The following DLG1 variants were observed in gnomAD, a reference collection of about 807,000 sequenced individuals.
DLG1 encodes the protein discs large MAGUK scaffold protein 1.
Under a neutral mutation model 123.4 loss-of-function variants are expected in DLG1, and 42 were observed. That is an observed-to-expected ratio of 0.34 (90% CI 0.27 to 0.44). DLG1 has a LOEUF of 0.44. Ranked by LOEUF, DLG1 falls within the 20% of genes least tolerant of loss-of-function variation. DLG1 has a pLI of 1.00. For missense variants in DLG1, 942 were observed against 1,082.6 expected, an observed-to-expected ratio of 0.87 and a Z score of 1.82; for synonymous variants, 317 against 356.2, an observed-to-expected ratio of 0.89 and a Z score of 1.24.
At chr3:197,160,535 A>G (rs1296547564) in intron 5 of DLG1, among the ~76,000 whole-genome samples, 1 of 151,938 alleles carries the variant, frequency 6.6e-6, no homozygotes, top group Non-Finnish European at 1.5e-5. Flanking sequence ...TCATCTATTC[A>G]TTGTTGGTTT....
At chr3:197,237,445 C>T (rs1037488148) in intron 4 of DLG1, among the ~76,000 whole-genome samples, 4 of 152,180 alleles carry the variant, frequency 2.6e-5, no homozygotes, top group African/African-American at 9.7e-5. Flanking sequence ...GCCACAGGAA[C>T]AGAAAGGGGC....
At chr3:197,130,713 T>C in intron 10 of DLG1, 42 bp from the exon 11 acceptor site, 1 of 1,452,710 alleles carries the variant, frequency 6.9e-7, no homozygotes, top group Non-Finnish European at 9.2e-7. Context: ...TATTCACTTG[T>C]TCTCTGAGTT....
intron 10 of DLG1, among the ~76,000 whole-genome samples, chr3:197,131,480 C>T (rs1281788563): frequency 6.6e-6 from 1 of 151,334 alleles, no homozygotes; most frequent in Non-Finnish European, 1.5e-5. Context: ...GTGATGTATC[C>T]TGCAACCAAT....
In DLG1 at chr3:197,049,789, C is replaced by T. The variant is rs917006301; in HGVS notation, c.2575+1788G>A. Among the ~76,000 whole-genome samples the T allele has an allele frequency of 1.4e-4, 22 of 152,030 alleles. 1 individual carries two copies. Among genetic ancestry groups the T allele is most frequent in the Admixed American group, 1.4e-3 (22 of 15,262 alleles). On this transcript the variant is annotated intron_variant, in intron 24 of 24. Transcript: ENST00000667157. ...AATGAATAAAGAGAATATTGTAGGCCAGGTGCAGTGCACCTATAATCCAAG... is the reference window on the plus strand; with the variant it reads ...AATGAATAAAGAGAATATTGTAGGCTAGGTGCAGTGCACCTATAATCCAAG...
rs1421992214 is a variant in DLG1, at chr3:197,230,959, T to TA, written c.319-36371_319-36370insT. ...TTACATATAGTATGTTATTTAATCA[T>TA]CTTAATGCTAAGTAAGTTATAGCAT... On this transcript the variant is annotated intron_variant, in intron 4 of 24. Coordinates refer to ENST00000667157, the MANE Select transcript of DLG1 (RefSeq NM_001366207.1). Among the ~76,000 whole-genome samples, 1,234 of 152,326 alleles carry TA rather than the reference T, an allele frequency of 8.1e-3. 12 individuals carry two copies. Among genetic ancestry groups the TA allele is most frequent in the African/African-American group, 0.027 (1,126 of 41,572 alleles).
Position 197,059,962 on chromosome 3 carries a change from T to A in DLG1, c.2410A>T (p.Ile804Leu). The change falls in exon 23 of 25, where the codon ATA becomes TTA. Residue 804 changes from isoleucine to leucine, a missense_variant. Transcript: ENST00000667157. ...HCILDVSGNA[I>L]KRLQIAQLYP... ...AGCTGTGCAATCTGTAATCTCTTTA[T>A]GGCATTTCCAGACACATCAAGGATA... The A allele has an allele frequency of 6.2e-7, 1 of 1,613,846 alleles. No individual in the cohort carries two copies. Among genetic ancestry groups the A allele is most frequent in the Non-Finnish European group, 8.5e-7 (1 of 1,179,900 alleles).
At chr3:197,164,475 T>C (rs968787459) in intron 5 of DLG1, among the ~76,000 whole-genome samples, 2 of 152,148 alleles carry the variant, frequency 1.3e-5, no homozygotes, top group Non-Finnish European at 2.9e-5. Context: ...TTTAAAAGCC[T>C]ATGTTTTAAG....
At chr3:197,108,618 C>T (rs185967972) in intron 13 of DLG1, among the ~76,000 whole-genome samples, 90 of 152,140 alleles carry the variant, frequency 5.9e-4, no homozygotes, top group African/African-American at 1.8e-3. Flanking sequence ...AAATGTCTTT[C>T]GCCTTTAGTA....
intron 4 of DLG1, among the ~76,000 whole-genome samples, chr3:197,252,965 G>C (rs112940712): frequency 1.1e-4 from 16 of 152,168 alleles, no homozygotes; most frequent in African/African-American, 3.9e-4. Flanking sequence ...ACCCAAAATG[G>C]ATTATGAACT....
chr3:197,098,754 A>G (rs1431018193), intron 14 of DLG1, among the ~76,000 whole-genome samples: 1 of 151,086 alleles, frequency 6.6e-6, no homozygotes, highest in Non-Finnish European at 1.5e-5. Flanking sequence ...CTGGTCTTGA[A>G]CTCCTGCTTT....
intron 5 of DLG1, among the ~76,000 whole-genome samples, chr3:197,173,253 AATG>A (rs1473250184): frequency 6.6e-6 from 1 of 152,176 alleles, no homozygotes; most frequent in East Asian, 1.9e-4. Context: ...TTGAAATGAA[AATG>A]ATGGTGGTGG....
intron 5 of DLG1, among the ~76,000 whole-genome samples, chr3:197,165,188 G>A (rs920347282): frequency 2.0e-5 from 3 of 152,090 alleles, no homozygotes; most frequent in Admixed American, 6.5e-5. Flanking sequence ...ACACAGTGGC[G>A]TTATTAATAT....
chr3:197,093,636 T>C (rs190942323), intron 14 of DLG1, among the ~76,000 whole-genome samples: 27 of 152,224 alleles, frequency 1.8e-4, no homozygotes, highest in Non-Finnish European at 2.8e-4. Context: ...GTATGACTCT[T>C]ATGTACTGCA....
At chr3:197,066,833 C>A in intron 19 of DLG1, 79 bp from the exon 20 acceptor site, 1 of 943,878 alleles carries the variant, frequency 1.1e-6, no homozygotes, top group Non-Finnish European at 1.7e-6. Flanking sequence ...ACAACATATA[C>A]ATTACTAGAA....
intron 17 of DLG1, among the ~76,000 whole-genome samples, chr3:197,077,452 A>AATGCTATCAGT (rs1366645501): frequency 1.3e-5 from 2 of 152,226 alleles, no homozygotes; most frequent in Admixed American, 1.3e-4. Context: ...GACCAACGTG[A>AATGCTATCAGT]ATGCTATCAG....
intron 4 of DLG1, among the ~76,000 whole-genome samples, chr3:197,273,190 G>A (rs1393360984): frequency 7.0e-6 from 1 of 143,452 alleles, no homozygotes; most frequent in African/African-American, 2.7e-5. Context: ...CTGAATATAT[G>A]TGTGTGTGTG....
In DLG1 at chr3:197,104,996, C is replaced by T; in HGVS notation, c.1453G>A (p.Val485Ile). 1 of 1,601,224 alleles carries T rather than the reference C, an allele frequency of 6.2e-7. No individual in the cohort carries two copies. Among genetic ancestry groups the T allele is most frequent in the East Asian group, 2.2e-5 (1 of 44,638 alleles). ...TCATGACTAGCAGCTCTGAGGTCAA[C>T]ACTGTTTACCTGTAAATCAAACCAA... ...KGDRIISVNS[V>I]DLRAASHEQA... Residue 485 changes from valine (V) to isoleucine (I), a missense_variant, in exon 14 of 25, where the codon GTT becomes ATT. Coordinates refer to ENST00000667157, the MANE Select transcript of DLG1 (RefSeq NM_001366207.1).
intron 4 of DLG1, among the ~76,000 whole-genome samples, chr3:197,232,274 G>T (rs955699518): frequency 9.9e-5 from 15 of 151,276 alleles, no homozygotes; most frequent in Non-Finnish European, 2.1e-4. Flanking sequence ...GCTGAGGGGG[G>T]AAGACAACTG....
intron 13 of DLG1, among the ~76,000 whole-genome samples, chr3:197,106,721 A>C (rs778762782): frequency 3.3e-5 from 5 of 152,194 alleles, no homozygotes; most frequent in Non-Finnish European, 7.3e-5. Context: ...CTACATATTA[A>C]AGACTTTCCA....
Sources: gnomAD v4.1 joint callset for allele counts (sites outside exome capture counted in the v4.1 genomes callset) on GRCh38, gnomAD v4.1.1 for gene constraint, MANE v1.5 for transcripts, NCBI Gene and HGNC (gene_info 2026-07-23, HGNC 2026-07-21) for gene names.